Variants in OPCML observed in about 807,000 individuals in gnomAD.
The protein encoded by OPCML is opioid binding protein/cell adhesion molecule like, also known as opioid-binding protein/cell adhesion molecule.
In OPCML, 13 loss-of-function variants were observed where a neutral mutation model predicts 37.8. The ratio of observed to expected loss-of-function variants is 0.34; its 90% CI spans 0.22 to 0.55. The LOEUF (loss-of-function observed/expected upper bound fraction) is 0.55. Ranked by LOEUF, OPCML falls within the 20% of genes least tolerant of loss-of-function variation. The pLI is 0.91. For missense variants in OPCML, 341 were observed against 435.6 expected (o/e 0.78, Z 1.93); for synonymous variants, 176 against 168.8 (o/e 1.04, Z -0.33).
intron 1 of OPCML, among the ~76,000 whole-genome samples, chr11:133,445,668 A>G (rs1946459753): frequency 6.6e-6 from 1 of 152,234 alleles, no homozygotes; most frequent in African/African-American, 2.4e-5. Context: ...AGAGAAACTC[A>G]CAAAATAACA....
intron 2 of OPCML, among the ~76,000 whole-genome samples, chr11:132,710,688 C>CAAAA (rs11340177): frequency 3.0e-5 from 4 of 135,328 alleles, no homozygotes; most frequent in African/African-American, 1.1e-4. Flanking sequence ...CTAAAAAATA[C>CAAAA]AAAAAAAAAA....
intron 2 of OPCML, among the ~76,000 whole-genome samples, chr11:132,752,239 C>CAG (rs1945861015): frequency 1.3e-5 from 2 of 150,694 alleles, no homozygotes; most frequent in African/African-American, 4.9e-5. Flanking sequence ...CCACTTCACA[C>CAG]CAAGCATCCC....
rs544854818 is a variant in OPCML, at chr11:132,532,795, G to A, written c.380-3609C>T. Among the ~76,000 whole-genome samples the A allele has an allele frequency of 7.0e-4, 107 of 152,230 alleles. 2 individuals carry two copies. Among genetic ancestry groups the A allele is most frequent in the Non-Finnish European group, 1.3e-3 (87 of 68,000 alleles). On this transcript the variant is annotated intron_variant, in intron 3 of 7. Coordinates refer to ENST00000524381, the MANE Select transcript of OPCML (RefSeq NM_001012393.5). ...ACAACAGGAGAAGCCCATCTTCACC[G>A]TCCTTGTTTCCCCAGGGCCATGCAT...
intron 7 of OPCML, among the ~76,000 whole-genome samples, chr11:132,423,738 T>G (rs1478405970): frequency 6.6e-6 from 1 of 152,284 alleles, no homozygotes; most frequent in East Asian, 1.9e-4. Context: ...TTTAAGTAAT[T>G]TGGTGTGGTC....
At chr11:132,502,620 G>C (rs1041642380) in intron 4 of OPCML, among the ~76,000 whole-genome samples, 1 of 152,206 alleles carries the variant, frequency 6.6e-6, no homozygotes, top group African/African-American at 2.4e-5. Context: ...AAAGGAAAAA[G>C]ATGGTTTTAA....
Position 132,415,943 on chromosome 11 carries a change from C to G in OPCML, c.*4250G>C, listed in dbSNP as rs1767483396. 1.3e-5 allele frequency: 2 copies of G among 152,556 alleles called. No homozygotes were observed. Among genetic ancestry groups the G allele is most frequent in the African/African-American group, 4.8e-5 (2 of 41,432 alleles). 9.5% of individuals were successfully genotyped at this position (152,556 alleles called of 1,614,324 possible). A position where few individuals can be genotyped will look rare whatever the true frequency, so the allele number is the denominator to read the frequency against. On this transcript the variant is annotated 3_prime_UTR_variant, in exon 8 of 8. Coordinates refer to ENST00000524381, the MANE Select transcript of OPCML (RefSeq NM_001012393.5). ...GGTCTCTTTTTGAAAATGTTGCCTT[C>G]CTACTTACACACCTGTGAAGTTTTA... is the stretch of plus-strand genomic sequence containing the variant.
At chr11:132,475,421 G>A (rs879415575) in intron 4 of OPCML, among the ~76,000 whole-genome samples, 1 of 152,156 alleles carries the variant, frequency 6.6e-6, no homozygotes, top group Non-Finnish European at 1.5e-5. Context: ...CTAACCTCCA[G>A]CATCTCAGAA....
intron 2 of OPCML, among the ~76,000 whole-genome samples, chr11:132,754,248 C>T (rs1286372244): frequency 6.6e-6 from 1 of 152,192 alleles, no homozygotes; most frequent in African/African-American, 2.4e-5. Flanking sequence ...TGTGTCCCCA[C>T]CCAAATCTCA....
chr11:132,742,291 G>C (rs1945458246), intron 2 of OPCML, among the ~76,000 whole-genome samples: 1 of 152,168 alleles, frequency 6.6e-6, no homozygotes, highest in African/African-American at 2.4e-5. Flanking sequence ...CCAATGAGAT[G>C]GCTTTAGGAA....
At chr11:133,406,291 C>T (rs1323098387) in intron 1 of OPCML, among the ~76,000 whole-genome samples, 1 of 152,100 alleles carries the variant, frequency 6.6e-6, no homozygotes, top group Non-Finnish European at 1.5e-5. Context: ...AGCTGCACCT[C>T]CAAACCTGCA....
At chr11:132,754,331 C>T (rs1945955813) in intron 2 of OPCML, among the ~76,000 whole-genome samples, 1 of 152,098 alleles carries the variant, frequency 6.6e-6, no homozygotes, top group Admixed American at 6.5e-5. Flanking sequence ...CTTTCCTGTG[C>T]TATTCTCATG....
intron 1 of OPCML, among the ~76,000 whole-genome samples, chr11:133,222,833 G>C (rs78051495): frequency 0.024 from 3,635 of 152,230 alleles, 149 homozygotes; most frequent in African/African-American, 0.083. Context: ...CGGGGACTAA[G>C]AGCCCTGTCA....
chr11:132,617,936 G>T (rs912167056), intron 3 of OPCML, among the ~76,000 whole-genome samples: 21 of 152,162 alleles, frequency 1.4e-4, no homozygotes, highest in African/African-American at 1.7e-4. Context: ...TATGAATTTT[G>T]GGTGAACCTA....
At chr11:132,864,263 T>C (rs980638856) in intron 2 of OPCML, among the ~76,000 whole-genome samples, 15 of 152,172 alleles carry the variant, frequency 9.9e-5, no homozygotes, top group Admixed American at 9.2e-4. Flanking sequence ...AAGGTTCCCA[T>C]GTACACGTTA....
chr11:133,202,328 A>T (rs1476740443), intron 1 of OPCML, among the ~76,000 whole-genome samples: 2 of 152,122 alleles, frequency 1.3e-5, no homozygotes, highest in African/African-American at 4.8e-5. Context: ...AATTAGCTAG[A>T]TCAGCTGGGG....
intron 2 of OPCML, among the ~76,000 whole-genome samples, chr11:132,933,723 A>G (rs1325995658): frequency 6.6e-6 from 1 of 152,242 alleles, no homozygotes; most frequent in Admixed American, 6.5e-5. Context: ...TGCAAGATAG[A>G]TAGAAGATAT....
intron 1 of OPCML, chr11:133,423,272 C>G: frequency 1.0e-6 from 1 of 985,362 alleles, no homozygotes; most frequent in Non-Finnish European, 1.2e-6. Flanking sequence ...TCAGTTTTAG[C>G]AATTGGAATT....
At chr11:133,509,145 T>C (rs1283810807) in intron 1 of OPCML, among the ~76,000 whole-genome samples, 15 of 152,080 alleles carry the variant, frequency 9.9e-5, no homozygotes, top group Admixed American at 9.8e-4. Context: ...TCATGGTGGT[T>C]TGCTGCACCT....
At chr11:133,145,805 G>A (rs1469165401) in intron 1 of OPCML, among the ~76,000 whole-genome samples, 3 of 152,190 alleles carry the variant, frequency 2.0e-5, no homozygotes, top group African/African-American at 7.2e-5. Context: ...TGGGCAGGCT[G>A]TGGTTGCTGA....
Sources: allele counts gnomAD v4.1 joint callset (sites outside exome capture counted in the v4.1 genomes callset), GRCh38; gene constraint gnomAD v4.1.1; transcripts MANE v1.5; gene names NCBI Gene and HGNC (gene_info 2026-07-23, HGNC 2026-07-21).